Variants in RAP1GAP2 observed in about 807,000 individuals in gnomAD.
The protein encoded by RAP1GAP2 is rap1 GTPase-activating protein 2.
RAP1GAP2 carries 27 observed loss-of-function variants against 95.0 expected under a neutral mutation model. That is an observed-to-expected ratio of 0.28 (90% CI 0.21 to 0.39). The LOEUF (loss-of-function observed/expected upper bound fraction) is 0.39, where lower values mean the gene tolerates loss of function less well. Ranked by LOEUF, RAP1GAP2 falls within the 10% of genes least tolerant of loss-of-function variation. The pLI, the probability that RAP1GAP2 is intolerant of heterozygous loss-of-function variation, is 1.00. For synonymous variants in RAP1GAP2, 373 were observed against 380.9 expected (o/e 0.98, Z 0.24); for missense variants, 771 against 970.0 (o/e 0.79, Z 2.72).
At chr17:2,910,905 G>A (rs1230673844) in intron 3 of RAP1GAP2, among the ~76,000 whole-genome samples, 1 of 152,130 alleles carries the variant, frequency 6.6e-6, no homozygotes, top group Non-Finnish European at 1.5e-5. Context: ...CCCCCTGTTG[G>A]CCAGGCTGGT....
At chr17:2,757,894 G>T (rs1232530417) in intron 1 of RAP1GAP2, among the ~76,000 whole-genome samples, 2 of 151,136 alleles carry the variant, frequency 1.3e-5, no homozygotes, top group Admixed American at 1.3e-4. Context: ...TTTTGAGATG[G>T]AGTCTCACAC....
Position 2,963,136 on chromosome 17 carries a change from C to T in RAP1GAP2, c.247-294C>T, listed in dbSNP as rs1430073379. Reference sequence around the variant, plus strand: ...AGGGGTGCTGGGGGAGACTAGGGGTCATTTTCCGGAATGAGCGTTCTAGGA... The same window carrying T: ...AGGGGTGCTGGGGGAGACTAGGGGTTATTTTCCGGAATGAGCGTTCTAGGA... On this transcript the variant is annotated intron_variant, in intron 5 of 24. Coordinates refer to ENST00000254695, the MANE Select transcript of RAP1GAP2 (RefSeq NM_015085.5). The surrounding 1 kb of genome is among the most constrained non-coding windows in gnomAD (Gnocchi z 4.8). The T allele has an allele frequency of 5.4e-6, 3 of 552,756 alleles. 1 individual carries two copies. The highest frequency in any genetic ancestry group is 9.7e-6 in the Non-Finnish European group (3 of 310,712). 34.2% of individuals were successfully genotyped at this position (552,756 alleles called of 1,614,324 possible). A position where few individuals can be genotyped will look rare whatever the true frequency, so the allele number is the denominator to read the frequency against.
In RAP1GAP2 at chr17:2,818,293, CTTTATTTATTTATTTATTTATTTA is replaced by C. The variant is rs149867844; in HGVS notation, c.80+17771_80+17794del. On this transcript the variant is annotated intron_variant, in intron 2 of 24. Coordinates refer to ENST00000254695, the MANE Select transcript of RAP1GAP2 (RefSeq NM_015085.5). ...GAATTTTGTGTTTTCTCTCAGCCCA[CTTTATTTATTTATTTATTTATTTA>C]TTTATTTATTTATTTATTTATTTAT... Among the ~76,000 whole-genome samples the C allele has an allele frequency of 9.0e-3, 1,225 of 136,328 alleles. 14 individuals are homozygous for C. Among genetic ancestry groups the C allele is most frequent in the African/African-American group, 0.033 (1,156 of 35,140 alleles). The allele number at this position is 136,328 out of a possible 152,430, so 89.4% of individuals were successfully genotyped here. A position where few individuals can be genotyped will look rare whatever the true frequency, so the allele number is the denominator to read the frequency against.
intron 2 of RAP1GAP2, among the ~76,000 whole-genome samples, chr17:2,830,385 C>G (rs990467798): frequency 6.7e-6 from 1 of 149,948 alleles, no homozygotes; most frequent in African/African-American, 2.5e-5. Context: ...CCATTGCACT[C>G]CAGTCTGGGC....
intron 2 of RAP1GAP2, among the ~76,000 whole-genome samples, chr17:2,837,607 CTTTT>C (rs36019609): frequency 4.9e-5 from 6 of 122,156 alleles, no homozygotes; most frequent in Non-Finnish European, 6.8e-5. Flanking sequence ...AGCCCTGCTT[CTTTT>C]TTTTTTTTTT....
chr17:2,849,735 C>G (rs2071746509), intron 2 of RAP1GAP2, among the ~76,000 whole-genome samples: 1 of 152,200 alleles, frequency 6.6e-6, no homozygotes, highest in African/African-American at 2.4e-5. Context: ...GTCCTGAGAG[C>G]TGGGACGCCG....
rs557410055 is a variant in RAP1GAP2, at chr17:2,993,917, C to T, written c.915-1420C>T. ...AAAATTAGCTGACTATTGTGGTGTG[C>T]TCCTGTGGTCCCCGCTACTTGGCAG... On this transcript the variant is annotated intron_variant, in intron 12 of 24. Transcript: ENST00000254695. 2.0e-5 allele frequency among the ~76,000 whole-genome samples: 3 copies of T among 151,696 alleles called. No individual in the cohort carries two copies. The South Asian group carries it at 6.3e-4, about 32-fold the overall frequency.
At chr17:2,868,516 A>ATTTTTTTTTTTTTTTTTTTT (rs71153307) in intron 2 of RAP1GAP2, among the ~76,000 whole-genome samples, 5 of 122,814 alleles carry the variant, frequency 4.1e-5, no homozygotes, top group African/African-American at 1.5e-4. Context: ...ACCAGGTGCA[A>ATTTTTTTTTTTTTTTTTTTT]TTTTTTTTTT....
chr17:2,827,017 G>GGAGAGAAAGAAAGAAAGAGA lies in RAP1GAP2; in HGVS notation c.80+26488_80+26507dup, dbSNP rs375824485. Among the ~76,000 whole-genome samples the GGAGAGAAAGAAAGAAAGAGA allele has an allele frequency of 6.6e-5, 10 of 152,040 alleles. No individual in the cohort carries two copies. The highest frequency in any genetic ancestry group is 4.2e-4 in the South Asian group (2 of 4,804). Reference sequence around the variant, plus strand: ...GAGACTCCGTTTCGAGAGAGAGAGAGGAGAGAAAGAAAGAAAGAGAGAGAG... The same window carrying GGAGAGAAAGAAAGAAAGAGA: ...GAGACTCCGTTTCGAGAGAGAGAGAGGAGAGAAAGAAAGAAAGAGAGAGAGAAAGAAAGAAAGAGAGAGAG... On this transcript the variant is annotated intron_variant, in intron 2 of 24. Transcript: ENST00000254695. This position sits in a 1 kb window ranked among gnomAD's most constrained non-coding sequence, Gnocchi z 4.1.
chr17:2,869,734 C>A (rs78806951), intron 2 of RAP1GAP2, among the ~76,000 whole-genome samples: 1 of 152,200 alleles, frequency 6.6e-6, no homozygotes. Flanking sequence ...GGAGCAGGTG[C>A]GGGCAGCGCT....
At chr17:2,929,342 C>A (rs1201390742) in intron 3 of RAP1GAP2, among the ~76,000 whole-genome samples, 1 of 152,124 alleles carries the variant, frequency 6.6e-6, no homozygotes, top group Admixed American at 6.5e-5. Context: ...GGTGTGCACC[C>A]GGCACAGGCG....
intron 19 of RAP1GAP2, among the ~76,000 whole-genome samples, chr17:3,020,924 C>G (rs2046938555): frequency 1.3e-5 from 2 of 152,230 alleles, no homozygotes; most frequent in South Asian, 4.1e-4. Flanking sequence ...TTCCCTGATT[C>G]TGCCAGGCAG....
chr17:2,903,659 C>T lies in RAP1GAP2; in HGVS notation c.81-1625C>T, dbSNP rs2042097636. 6.6e-6 allele frequency among the ~76,000 whole-genome samples: 1 copy of T among 152,212 alleles called. No homozygotes were observed. The highest frequency in any genetic ancestry group is 6.5e-5 in the Admixed American group (1 of 15,278). ...AGGAAGGGAGATGGGGAGCAGGAGA[C>T]AGGGATTGCCAGGTTCAGGTTAATG... On this transcript the variant is annotated intron_variant, in intron 2 of 24. Coordinates refer to ENST00000254695, the MANE Select transcript of RAP1GAP2 (RefSeq NM_015085.5). This position sits in a 1 kb window ranked among gnomAD's most constrained non-coding sequence, Gnocchi z 4.1.
chr17:2,942,360 T>C (rs2043529833), intron 3 of RAP1GAP2, among the ~76,000 whole-genome samples: 1 of 152,210 alleles, frequency 6.6e-6, no homozygotes, highest in African/African-American at 2.4e-5. Context: ...GTGGCTTCCA[T>C]AGCTTGAAAC....
At chr17:2,774,050 G>GC (rs569470157), upstream of RAP1GAP2, among the ~76,000 whole-genome samples, 403 of 152,240 alleles carry the variant, frequency 2.6e-3, 1 homozygote, top group African/African-American at 9.1e-3. Flanking sequence ...GAGCCATCGT[G>GC]CCTGGCCAGG....
In RAP1GAP2 at chr17:3,027,751, G is replaced by T. The variant is rs1390444135; in HGVS notation, c.2107+681G>T. Among the ~76,000 whole-genome samples, 2 of 135,116 alleles carry T rather than the reference G, an allele frequency of 1.5e-5. No homozygotes were observed. The highest frequency in any genetic ancestry group is 3.2e-5 in the Non-Finnish European group (2 of 63,082). 88.6% of individuals were successfully genotyped at this position (135,116 alleles called of 152,430 possible). A position where few individuals can be genotyped will look rare whatever the true frequency, so the allele number is the denominator to read the frequency against. On this transcript the variant is annotated intron_variant, in intron 22 of 24. Coordinates refer to ENST00000254695, the MANE Select transcript of RAP1GAP2 (RefSeq NM_015085.5). The surrounding 1 kb of genome is among the most constrained non-coding windows in gnomAD (Gnocchi z 5.2). ...TGCTGCAGCTGCTGAGTGTAGAATG[G>T]ATTAGTAGAGAGCAGGAGCAGAGGG... is the stretch of plus-strand genomic sequence containing the variant.
chr17:2,864,279 G>A (rs2072534114), intron 2 of RAP1GAP2, among the ~76,000 whole-genome samples: 2 of 152,222 alleles, frequency 1.3e-5, no homozygotes, highest in South Asian at 4.1e-4. Flanking sequence ...TGAGGACGCA[G>A]CAGTGGGCAG....
intron 3 of RAP1GAP2, among the ~76,000 whole-genome samples, chr17:2,939,988 G>A (rs1274457044): frequency 6.6e-6 from 1 of 152,268 alleles, no homozygotes; most frequent in Non-Finnish European, 1.5e-5. Flanking sequence ...CCGCCGTGGT[G>A]GTAGCAGCTG....
intron 1 of RAP1GAP2, among the ~76,000 whole-genome samples, chr17:2,786,167 C>T (rs1366155480): frequency 6.6e-6 from 1 of 152,164 alleles, no homozygotes; most frequent in Admixed American, 6.5e-5. Context: ...TCCCACAGTG[C>T]TGGGATTACA....
Sources: gnomAD v4.1 joint callset for allele counts (sites outside exome capture counted in the v4.1 genomes callset) on GRCh38, gnomAD v4.1.1 for gene constraint, Gnocchi (gnomAD v3.1) non-coding constraint, MANE v1.5 for transcripts, NCBI Gene and HGNC (gene_info 2026-07-23, HGNC 2026-07-21) for gene names.